Variants in ANGPTL6 observed in about 807,000 individuals in gnomAD.
ANGPTL6 encodes the protein angiopoietin like 6.
ANGPTL6 carries 45 observed loss-of-function variants against 47.4 expected under a neutral mutation model. That is an observed-to-expected ratio of 0.95 (90% CI 0.75 to 1.22). ANGPTL6 has a LOEUF of 1.22. Among genes scored for constraint, ANGPTL6 ranks in the 50% most tolerant of loss-of-function variants. The pLI is 0.00. For synonymous variants in ANGPTL6, 290 were observed against 295.9 expected (o/e 0.98, Z 0.20); for missense variants, 698 against 669.4 (o/e 1.04, Z -0.47).
chr19:10,106,094 C>T (rs2088812742), upstream of ANGPTL6: 2 of 540,240 alleles, frequency 3.7e-6, no homozygotes, highest in Non-Finnish European at 6.5e-6. Flanking sequence ...TTAGGAGCCT[C>T]GGAATGCAGA....
intron 5 of ANGPTL6, chr19:10,093,147 G>T: frequency 1.1e-5 from 7 of 642,068 alleles, no homozygotes; most frequent in South Asian, 2.4e-5. Flanking sequence ...TTCTTTTTTT[G>T]CCTCATCAGA....
rs1477036845 is a variant in ANGPTL6 at position 10,094,464 on chromosome 19, C to A, written c.763+294G>T. The A allele has an allele frequency of 7.5e-6, 3 of 401,424 alleles. No homozygotes were observed. The East Asian group carries it at 1.8e-4, about 25-fold the overall frequency. 24.9% of individuals were successfully genotyped at this position (401,424 alleles called of 1,614,324 possible). ...CCCGGCCAACTCTGGGGTTCTTAAA[C>A]CCTGGTTTTTTATGGTCTCCTCACC... is the stretch of plus-strand genomic sequence containing the variant. On this transcript the variant is annotated intron_variant, in intron 3 of 5. Coordinates refer to ENST00000253109, the MANE Select transcript of ANGPTL6 (RefSeq NM_031917.3).
In ANGPTL6 at chr19:10,092,647, C is replaced by T. The variant is rs772847357; in HGVS notation, c.1355G>A (p.Arg452His). The T allele has an allele frequency of 5.6e-6, 9 of 1,613,688 alleles. No homozygotes were observed. Among genetic ancestry groups the T allele is most frequent in the African/African-American group, 1.3e-5 (1 of 74,900 alleles). The change falls in exon 6 of 6, where the codon CGT becomes CAT. Residue 452 changes from arginine (R) to histidine (H), a missense_variant. By Grantham distance (29) the Arg-to-His change is conservative. Coordinates refer to ENST00000253109, the MANE Select transcript of ANGPTL6 (RefSeq NM_031917.3). ...YQDGVYWAEFRGGAYSLRKAA... is the reference protein window; with the variant it reads ...YQDGVYWAEFHGGAYSLRKAA... ...CTTCCTGAGAGAATATGCCCCACCACGAAACTCAGCCCAGTAGACACCATC... is the reference window on the plus strand; with the variant it reads ...CTTCCTGAGAGAATATGCCCCACCATGAAACTCAGCCCAGTAGACACCATC...
At position 10,096,269 on chromosome 19, in the gene ANGPTL6, C is replaced by A. The variant is rs952434562; in HGVS notation, c.295G>T (p.Glu99Ter). ...VAGEVRALRK[E>*]SRGLSARLGQ... is the part of the protein sequence containing the mutation. Reference sequence around the variant, plus strand: ...AGGCGCGCGCTCAGGCCGCGGCTCTCCTTGCGCAGCGCGCGCACCTCGCCG... The same window carrying A: ...AGGCGCGCGCTCAGGCCGCGGCTCTACTTGCGCAGCGCGCGCACCTCGCCG... Residue 99 changes from glutamate to a stop codon, truncating the protein, a stop_gained, in exon 2 of 6, where the codon GAG becomes TAG. Transcript: ENST00000253109. LOFTEE classifies it high-confidence loss of function. The A allele has an allele frequency of 1.2e-5, 14 of 1,203,896 alleles. No homozygotes were observed. The highest frequency in any genetic ancestry group is 1.3e-5 in the Non-Finnish European group (13 of 972,352). The allele number at this position is 1,203,896 out of a possible 1,614,324, so 74.6% of individuals were successfully genotyped here.
upstream of ANGPTL6, among the ~76,000 whole-genome samples, chr19:10,103,149 C>A (rs1489131565): frequency 6.6e-6 from 1 of 151,846 alleles, no homozygotes. Context: ...TGCGGTCACA[C>A]AGCCAAAAAG....
chr19:10,105,395 T>C (rs2088794744), upstream of ANGPTL6, among the ~76,000 whole-genome samples: 4 of 151,332 alleles, frequency 2.6e-5, no homozygotes, highest in Admixed American at 2.6e-4. Flanking sequence ...CATAGGGAGA[T>C]GGCAGAGAAA....
chr19:10,104,289 G>A (rs2088760725), upstream of ANGPTL6, among the ~76,000 whole-genome samples: 1 of 111,440 alleles, frequency 9.0e-6, no homozygotes, highest in Non-Finnish European at 1.8e-5. Context: ...TCTTTCTTTG[G>A]TGTTTTTTTT....
At chr19:10,105,724 G>A (rs551507609), upstream of ANGPTL6, among the ~76,000 whole-genome samples, 1 of 152,254 alleles carries the variant, frequency 6.6e-6, no homozygotes, top group South Asian at 2.1e-4. Flanking sequence ...TCAGCCCAGT[G>A]AGGGGGTGTC....
At position 10,093,785 on chromosome 19, in the gene ANGPTL6, A is replaced by G. The variant is rs771236626; in HGVS notation, c.859T>C (p.Cys287Arg). ...CCTCCACCCTCCAGTTGCTGCTCAC[A>G]CCATACTGACACTACGTGACGGCCC... ...RVGRHVVSVW[C>R]EQQLEGGGWT... The change falls in exon 4 of 6, where the codon TGT (cysteine) becomes CGT (arginine). Residue 287 changes from cysteine (C) to arginine (R), a missense_variant. Coordinates refer to ENST00000253109, the MANE Select transcript of ANGPTL6 (RefSeq NM_031917.3). 1 of 1,614,068 alleles carries G rather than the reference A, an allele frequency of 6.2e-7. No individual in the cohort carries two copies. Among genetic ancestry groups the G allele is most frequent in the South Asian group, 1.1e-5 (1 of 91,080 alleles).
At chr19:10,104,604 C>T (rs1460805809), upstream of ANGPTL6, among the ~76,000 whole-genome samples, 24 of 151,976 alleles carry the variant, frequency 1.6e-4, no homozygotes, top group Admixed American at 1.6e-3. Flanking sequence ...AATATATAAC[C>T]ATAAAGCTTG....
At chr19:10,095,083 A>T in intron 2 of ANGPTL6, 145 bp from the exon 3 acceptor site, 1 of 890,256 alleles carries the variant, frequency 1.1e-6, no homozygotes, top group Non-Finnish European at 1.6e-6. Context: ...CCTAGGAATG[A>T]TCCTCCCCAA....
chr19:10,099,351 C>T (rs1196125849), intron 1 of ANGPTL6, among the ~76,000 whole-genome samples: 1 of 151,984 alleles, frequency 6.6e-6, no homozygotes, highest in African/African-American at 2.4e-5. Flanking sequence ...CGGAGGCGGG[C>T]GGATCACGAG....
chr19:10,102,115 CAAAAAAA>C (rs111902676), intron 1 of ANGPTL6, among the ~76,000 whole-genome samples: 3 of 43,768 alleles, frequency 6.9e-5, no homozygotes, highest in African/African-American at 1.8e-4. Flanking sequence ...GACTCTGTCT[CAAAAAAA>C]AAAAAAAAAA....
intron 5 of ANGPTL6, 193 bp downstream of exon 5, chr19:10,093,146 TGCCTCATCAG>T: frequency 3.1e-6 from 2 of 644,944 alleles, no homozygotes; most frequent in Non-Finnish European, 2.6e-6. Context: ...ATTCTTTTTT[TGCCTCATCAG>T]AGAAGGAATC....
upstream of ANGPTL6, among the ~76,000 whole-genome samples, chr19:10,104,319 T>G (rs1386444932): frequency 7.0e-6 from 1 of 143,598 alleles, no homozygotes. Flanking sequence ...GTGTGTGTGG[T>G]GTGTGTGTGT....
intron 3 of ANGPTL6, chr19:10,094,454 G>A (rs1415123505): frequency 5.2e-6 from 2 of 381,772 alleles, no homozygotes; most frequent in Admixed American, 9.1e-5. Context: ...CCAACTCTGG[G>A]GTTCTTAAAC....
chr19:10,101,716 T>G (rs1599294128), intron 1 of ANGPTL6, among the ~76,000 whole-genome samples: 1 of 141,696 alleles, frequency 7.1e-6, no homozygotes, highest in Non-Finnish European at 1.5e-5. Flanking sequence ...GAGGCTGAGG[T>G]GGGAGAGTCA....
intron 1 of ANGPTL6, 137 bp from the exon 2 acceptor site, chr19:10,096,710 A>C: frequency 2.3e-5 from 15 of 639,316 alleles, no homozygotes; most frequent in East Asian, 1.0e-4. Context: ...CATTCCCCCC[A>C]CGGCTGGAGG....
chr19:10,095,477 T>C (rs1407517929), intron 2 of ANGPTL6, among the ~76,000 whole-genome samples: 2 of 152,140 alleles, frequency 1.3e-5, no homozygotes, highest in Non-Finnish European at 2.9e-5. Flanking sequence ...TTGGTGCTCA[T>C]GGTTTAATTG....
Sources: allele counts gnomAD v4.1 joint callset (sites outside exome capture counted in the v4.1 genomes callset), GRCh38; gene constraint gnomAD v4.1.1; transcripts MANE v1.5; gene names NCBI Gene and HGNC (gene_info 2026-07-23, HGNC 2026-07-21).